CEMP1: variants seen among roughly 807,000 people sequenced by gnomAD.
CEMP1 encodes cementoblastoma-derived protein 1.
For missense variants in CEMP1, 387 were observed against 316.9 expected (o/e 1.22, Z -1.68); for synonymous variants, 161 against 128.6 (o/e 1.25, Z -1.71).
At position 2,530,469 on chromosome 16, in the gene CEMP1, G is replaced by A. The variant is rs1275822239; in HGVS notation, c.605C>T (p.Ala202Val). The change falls in exon 1 of 1, where the codon GCT (alanine) becomes GTT (valine). Residue 202 changes from alanine to valine, a missense_variant. Coordinates refer to ENST00000567119, the MANE Select transcript of CEMP1 (RefSeq NM_001048212.3). ...HQSLTSDPTVAVLRAKRAPEA... is the reference protein window; with the variant it reads ...HQSLTSDPTVVVLRAKRAPEA... ...TGGAGCCCTCTTGGCTCTGAGGACA[G>A]CCACAGTGGGGTCAGACGTCAGGGA... The A allele has an allele frequency of 1.2e-6, 2 of 1,614,062 alleles. No individual in the cohort carries two copies. The highest frequency in any genetic ancestry group is 1.7e-6 in the Non-Finnish European group (2 of 1,180,030).
rs751339970 is a variant in CEMP1 at position 2,530,487 on chromosome 16, G to T, written c.587C>A (p.Thr196Lys). The T allele has an allele frequency of 2.5e-6, 4 of 1,614,026 alleles. No individual in the cohort carries two copies. The highest frequency in any genetic ancestry group is 1.7e-6 in the Non-Finnish European group (2 of 1,179,996). Residue 196 changes from threonine (T) to lysine (K), a missense_variant, in exon 1 of 1, where the codon ACG becomes AAG. Transcript: ENST00000567119. ...GAGGACAGCCACAGTGGGGTCAGAC[G>T]TCAGGGATTGGTGCAGCCCCACGTC... Reference protein sequence around the residue: ...TPDVGLHQSLTSDPTVAVLRA... With the variant: ...TPDVGLHQSLKSDPTVAVLRA...
Position 2,530,182 on chromosome 16 carries a change from C to G in CEMP1, c.*148G>C. 6.7e-7 allele frequency: 1 copy of G among 1,486,012 alleles called. No homozygotes were observed. Among genetic ancestry groups the G allele is most frequent in the East Asian group, 2.5e-5 (1 of 40,610 alleles). 92.1% of individuals were successfully genotyped at this position (1,486,012 alleles called of 1,614,324 possible). On this transcript the variant is annotated 3_prime_UTR_variant, in exon 1 of 1. Coordinates refer to ENST00000567119, the MANE Select transcript of CEMP1 (RefSeq NM_001048212.3). ...CCCTGTTTTCTGCTCCCTGGACTGC[C>G]TAGCCCTGAGTGCCACGGATGACCA...
rs1472139783 is a variant in CEMP1, at chr16:2,531,245, T to C, written c.-172A>G. 3.7e-6 allele frequency: 3 copies of C among 816,240 alleles called. No individual in the cohort carries two copies. The highest frequency in any genetic ancestry group is 5.7e-6 in the Non-Finnish European group (3 of 521,812). The allele number at this position is 816,240 out of a possible 1,614,324, so 50.6% of individuals were successfully genotyped here. On this transcript the variant is annotated 5_prime_UTR_variant, in exon 1 of 1. Transcript: ENST00000567119. ...GGGAGGGGCTGGCAGAGATGGTTGG[T>C]CCACAGGGCTAGCCCTGGGTGGTGG...
chr16:2,531,083 A>G lies in CEMP1; in HGVS notation c.-10T>C. On this transcript the variant is annotated 5_prime_UTR_variant, in exon 1 of 1. Transcript: ENST00000567119. ...TGCTTGATGTGCCCATCCTCAGCTAAAACCCAGAGCTGGCATGTTGGTCAT... is the reference window on the plus strand; with the variant it reads ...TGCTTGATGTGCCCATCCTCAGCTAGAACCCAGAGCTGGCATGTTGGTCAT... The G allele has an allele frequency of 6.3e-7, 1 of 1,577,598 alleles. No homozygotes were observed. The highest frequency in any genetic ancestry group is 2.3e-5 in the East Asian group (1 of 44,408).
Position 2,530,502 on chromosome 16 carries a change from A to G in CEMP1, c.572T>C (p.Leu191Pro), listed in dbSNP as rs1375730800. ...KVKTITPDVG[L>P]HQSLTSDPTV... ...GGGGTCAGACGTCAGGGATTGGTGC[A>G]GCCCCACGTCAGGGGTGATTGTCTT... Residue 191 changes from leucine to proline, a missense_variant, in exon 1 of 1, where the codon CTG becomes CCG. Leu to Pro is a moderately conservative substitution (Grantham distance 98, BLOSUM62 -3). Coordinates refer to ENST00000567119, the MANE Select transcript of CEMP1 (RefSeq NM_001048212.3). The G allele has an allele frequency of 1.2e-6, 2 of 1,613,964 alleles. No individual in the cohort carries two copies. Among genetic ancestry groups the G allele is most frequent in the Admixed American group, 1.7e-5 (1 of 60,008 alleles).
chr16:2,531,274 A>G lies in CEMP1; in HGVS notation c.-201T>C. ...CAGGGCTAGCCCTGGGTGGTGGGAGAGGGGCCCAGGGTCAGGGTGAGAGAG... is the reference window on the plus strand; with the variant it reads ...CAGGGCTAGCCCTGGGTGGTGGGAGGGGGGCCCAGGGTCAGGGTGAGAGAG... On this transcript the variant is annotated 5_prime_UTR_variant, in exon 1 of 1. Transcript: ENST00000567119. 1.6e-6 allele frequency: 1 copy of G among 624,178 alleles called. No individual in the cohort carries two copies. The highest frequency in any genetic ancestry group is 2.8e-6 in the Non-Finnish European group (1 of 358,128). The allele number at this position is 624,178 out of a possible 1,614,324, so 38.7% of individuals were successfully genotyped here.
chr16:2,530,783 A>C lies in CEMP1; in HGVS notation c.291T>G (p.Pro97=). 6.2e-7 allele frequency: 1 copy of C among 1,613,678 alleles called. No individual in the cohort carries two copies. Among genetic ancestry groups the C allele is most frequent in the South Asian group, 1.1e-5 (1 of 91,086 alleles). ...GAGGGAGGGCCTGGGGCAGGGCACA[A>C]GGGGTTGATCTCAGCCCACAAGCCC... is the stretch of plus-strand genomic sequence containing the variant. ...APGACGLRST[P]CALPQALPQA... The change falls in exon 1 of 1, where the codon CCT becomes CCG. Residue 97 remains proline (P), a synonymous_variant. Coordinates refer to ENST00000567119, the MANE Select transcript of CEMP1 (RefSeq NM_001048212.3).
Position 2,530,706 on chromosome 16 carries a change from G to C in CEMP1, c.368C>G (p.Thr123Arg). 6.2e-7 allele frequency: 1 copy of C among 1,614,074 alleles called. No individual in the cohort carries two copies. The highest frequency in any genetic ancestry group is 8.5e-7 in the Non-Finnish European group (1 of 1,180,018). ...AGATAGGATGGTCTGGGCCCCACCT[G>C]TTGGAAGGGAACAGCCAGGGAAGAA... ...RWFFPGCSLP[T>R]GGAQTILSLW... The change falls in exon 1 of 1, where the codon ACA (threonine) becomes AGA (arginine). Residue 123 changes from threonine (T) to arginine (R), a missense_variant. Thr to Arg is a moderately conservative substitution (Grantham distance 71, BLOSUM62 -1). Coordinates refer to ENST00000567119, the MANE Select transcript of CEMP1 (RefSeq NM_001048212.3).
rs760159256 is a variant in CEMP1, at chr16:2,530,365, C to T, written c.709G>A (p.Asp237Asn). 3.7e-6 allele frequency: 6 copies of T among 1,614,080 alleles called. No individual in the cohort carries two copies. In the African/African-American group the frequency reaches 4.0e-5, roughly 11 times the overall value. Residue 237 changes from aspartate (D) to asparagine (N), a missense_variant, in exon 1 of 1, where the codon GAC becomes AAC. By Grantham distance (23) the Asp-to-Asn change is conservative (BLOSUM62 1). Coordinates refer to ENST00000567119, the MANE Select transcript of CEMP1 (RefSeq NM_001048212.3). Reference protein sequence around the residue: ...CHMGVCQGQGDTEDGRMTLMG With the variant: ...CHMGVCQGQGNTEDGRMTLMG ...AGTGTCATCCTGCCATCTTCTGTGT[C>T]CCCTTGGCCCTGGCACACACCCATG...
Position 2,531,264 on chromosome 16 carries a change from G to A in CEMP1, c.-191C>T. The A allele has an allele frequency of 1.4e-6, 1 of 692,038 alleles. No homozygotes were observed. The highest frequency in any genetic ancestry group is 2.8e-5 in the East Asian group (1 of 36,244). 42.9% of individuals were successfully genotyped at this position (692,038 alleles called of 1,614,324 possible). On this transcript the variant is annotated 5_prime_UTR_variant, in exon 1 of 1. Transcript: ENST00000567119. ...GGTTGGTCCACAGGGCTAGCCCTGGGTGGTGGGAGAGGGGCCCAGGGTCAG... is the reference window on the plus strand; with the variant it reads ...GGTTGGTCCACAGGGCTAGCCCTGGATGGTGGGAGAGGGGCCCAGGGTCAG...
chr16:2,531,254 C>G lies in CEMP1; in HGVS notation c.-181G>C. 3 of 763,482 alleles carry G rather than the reference C, an allele frequency of 3.9e-6. No homozygotes were observed. The highest frequency in any genetic ancestry group is 6.3e-6 in the Non-Finnish European group (3 of 476,682). The allele number at this position is 763,482 out of a possible 1,614,324, so 47.3% of individuals were successfully genotyped here. On this transcript the variant is annotated 5_prime_UTR_variant, in exon 1 of 1. The change abolishes the stop of an existing upstream ORF in the 5' untranslated region. Coordinates refer to ENST00000567119, the MANE Select transcript of CEMP1 (RefSeq NM_001048212.3). Reference sequence around the variant, plus strand: ...TGGCAGAGATGGTTGGTCCACAGGGCTAGCCCTGGGTGGTGGGAGAGGGGC... The same window carrying G: ...TGGCAGAGATGGTTGGTCCACAGGGGTAGCCCTGGGTGGTGGGAGAGGGGC...
Position 2,530,705 on chromosome 16 carries a change from T to C in CEMP1, c.369A>G (p.Thr123=). The C allele has an allele frequency of 6.2e-7, 1 of 1,614,040 alleles. No homozygotes were observed. Among genetic ancestry groups the C allele is most frequent in the Non-Finnish European group, 8.5e-7 (1 of 1,180,006 alleles). ...GAGATAGGATGGTCTGGGCCCCACC[T>C]GTTGGAAGGGAACAGCCAGGGAAGA... ...RWFFPGCSLP[T]GGAQTILSLW... The change falls in exon 1 of 1, where the codon ACA becomes ACG. Residue 123 remains threonine (T), a synonymous_variant. Coordinates refer to ENST00000567119, the MANE Select transcript of CEMP1 (RefSeq NM_001048212.3).
chr16:2,530,198 C>T lies in CEMP1; in HGVS notation c.*132G>A. Reference sequence around the variant, plus strand: ...CTGGACTGCCTAGCCCTGAGTGCCACGGATGACCAGCGTTCTGTTTTCTCT... The same window carrying T: ...CTGGACTGCCTAGCCCTGAGTGCCATGGATGACCAGCGTTCTGTTTTCTCT... On this transcript the variant is annotated 3_prime_UTR_variant, in exon 1 of 1. Transcript: ENST00000567119. 40 of 1,501,474 alleles carry T rather than the reference C, an allele frequency of 2.7e-5. No individual in the cohort carries two copies. The highest frequency in any genetic ancestry group is 3.5e-5 in the Non-Finnish European group (39 of 1,125,052). The allele number at this position is 1,501,474 out of a possible 1,614,324, so 93.0% of individuals were successfully genotyped here.
Position 2,530,897 on chromosome 16 carries a change from G to A in CEMP1, c.177C>T (p.Ala59=), listed in dbSNP as rs375338784. 2.4e-5 allele frequency: 38 copies of A among 1,613,386 alleles called. No individual in the cohort carries two copies. Among genetic ancestry groups the A allele is most frequent in the Middle Eastern group, 1.6e-4 (1 of 6,080 alleles). The change falls in exon 1 of 1, where the codon GCC becomes GCT. Residue 59 remains alanine (A), a synonymous_variant. Coordinates refer to ENST00000567119, the MANE Select transcript of CEMP1 (RefSeq NM_001048212.3). ...AGQPLPKGCA[A]VKAEVGIPAP... Reference sequence around the variant, plus strand: ...CAGGGATACCCACCTCTGCCTTGACGGCCGCGCACCCCTTAGGAAGTGGCT... The same window carrying A: ...CAGGGATACCCACCTCTGCCTTGACAGCCGCGCACCCCTTAGGAAGTGGCT...
chr16:2,530,499 T>A lies in CEMP1; in HGVS notation c.575A>T (p.His192Leu). The change falls in exon 1 of 1, where the codon CAC (histidine) becomes CTC (leucine). Residue 192 changes from histidine (H) to leucine (L), a missense_variant. Transcript: ENST00000567119. ...VKTITPDVGL[H>L]QSLTSDPTVA... ...AGTGGGGTCAGACGTCAGGGATTGG[T>A]GCAGCCCCACGTCAGGGGTGATTGT... The A allele has an allele frequency of 1.2e-6, 2 of 1,614,114 alleles. No individual in the cohort carries two copies. The highest frequency in any genetic ancestry group is 1.7e-6 in the Non-Finnish European group (2 of 1,179,984).
rs1025279985 is a variant in CEMP1 at position 2,531,278 on chromosome 16, G to C, written c.-205C>G. The C allele has an allele frequency of 3.2e-6, 2 of 625,070 alleles. No individual in the cohort carries two copies. Among genetic ancestry groups the C allele is most frequent in the Non-Finnish European group, 5.6e-6 (2 of 357,784 alleles). The allele number at this position is 625,070 out of a possible 1,614,324, so 38.7% of individuals were successfully genotyped here. On this transcript the variant is annotated 5_prime_UTR_variant, in exon 1 of 1. Coordinates refer to ENST00000567119, the MANE Select transcript of CEMP1 (RefSeq NM_001048212.3). ...GCTAGCCCTGGGTGGTGGGAGAGGG[G>C]CCCAGGGTCAGGGTGAGAGAGAGCT...
At position 2,530,287 on chromosome 16, in the gene CEMP1, C is replaced by A; in HGVS notation, c.*43G>T. ...GTGCTTGCCGGCTGTGGTGACCCTG[C>A]CTGGTGCTGGAGGGCAGTATGGGAG... is the stretch of plus-strand genomic sequence containing the variant. On this transcript the variant is annotated 3_prime_UTR_variant, in exon 1 of 1. Coordinates refer to ENST00000567119, the MANE Select transcript of CEMP1 (RefSeq NM_001048212.3). The A allele has an allele frequency of 6.2e-7, 1 of 1,613,578 alleles. No homozygotes were observed. The highest frequency in any genetic ancestry group is 8.5e-7 in the Non-Finnish European group (1 of 1,179,832).
In CEMP1 at chr16:2,530,798, C is replaced by T; in HGVS notation, c.276G>A (p.Gly92=). 6.2e-7 allele frequency: 1 copy of T among 1,613,682 alleles called. No homozygotes were observed. Residue 92 remains glycine, a synonymous_variant, in exon 1 of 1, where the codon GGG becomes GGA. Coordinates refer to ENST00000567119, the MANE Select transcript of CEMP1 (RefSeq NM_001048212.3). ...GCAGGGCACAAGGGGTTGATCTCAGCCCACAAGCCCCAGGGGCAGCCCAGG... is the reference window on the plus strand; with the variant it reads ...GCAGGGCACAAGGGGTTGATCTCAGTCCACAAGCCCCAGGGGCAGCCCAGG... ...LLSWAAPGAC[G]LRSTPCALPQ... is the part of the protein sequence containing the mutation.
Position 2,530,827 on chromosome 16 carries a change from G to C in CEMP1, c.247C>G (p.Leu83Val). Residue 83 changes from leucine to valine, a missense_variant, in exon 1 of 1, where the codon CTT (leucine) becomes GTT (valine). By Grantham distance (32) the Leu-to-Val change is conservative. Transcript: ENST00000567119. ...QEVRIHIRRLLSWAAPGACGL... is the reference protein window; with the variant it reads ...QEVRIHIRRLVSWAAPGACGL... Reference sequence around the variant, plus strand: ...CAAGCCCCAGGGGCAGCCCAGGAAAGCAGGCGACGGATGTGGATCCTGACC... The same window carrying C: ...CAAGCCCCAGGGGCAGCCCAGGAAACCAGGCGACGGATGTGGATCCTGACC... 1.9e-6 allele frequency: 3 copies of C among 1,613,814 alleles called. No homozygotes were observed. Among genetic ancestry groups the C allele is most frequent in the Non-Finnish European group, 2.5e-6 (3 of 1,179,996 alleles).
Sources: gnomAD v4.1 joint callset for allele counts on GRCh38, gnomAD v4.1.1 for gene constraint, MANE v1.5 for transcripts, NCBI Gene and HGNC (gene_info 2026-07-23, HGNC 2026-07-21) for gene names.